Variants in CNNM4 observed in about 807,000 individuals in gnomAD.
CNNM4 encodes the protein cyclin and CBS domain divalent metal cation transport mediator 4.
Under a neutral mutation model 53.7 loss-of-function variants are expected in CNNM4, and 32 were observed. The observed-to-expected ratio is 0.60, with a 90% CI of 0.45 to 0.80. CNNM4 has a LOEUF of 0.80. CNNM4 is among the 30% of genes least tolerant of loss of function. The pLI, the probability that CNNM4 is intolerant of heterozygous loss-of-function variation, is 0.00. For missense variants in CNNM4, 784 were observed against 1,022.0 expected (o/e 0.77, Z 3.17); for synonymous variants, 410 against 440.0 (o/e 0.93, Z 0.85).
At chr2:96,768,251 C>A (rs931085386) in intron 1 of CNNM4, among the ~76,000 whole-genome samples, 5 of 152,190 alleles carry the variant, frequency 3.3e-5, no homozygotes, top group African/African-American at 1.2e-4. Context: ...AACTTATCCT[C>A]CACACCCCAC....
At chr2:96,803,450 C>T (rs941857591) in intron 5 of CNNM4, among the ~76,000 whole-genome samples, 1 of 152,110 alleles carries the variant, frequency 6.6e-6, no homozygotes, top group Non-Finnish European at 1.5e-5. Context: ...GTTGGCCGTG[C>T]GCGGTGGCTC....
chr2:96,775,017 T>C (rs2078912432), intron 1 of CNNM4, among the ~76,000 whole-genome samples: 1 of 132,318 alleles, frequency 7.6e-6, no homozygotes, highest in Non-Finnish European at 1.6e-5. Flanking sequence ...ATTGGGAGAT[T>C]CCAGTAAGTT....
chr2:96,776,627 G>T (rs551927790), intron 1 of CNNM4, among the ~76,000 whole-genome samples: 8 of 151,854 alleles, frequency 5.3e-5, no homozygotes, highest in Non-Finnish European at 1.0e-4. Context: ...CCTCATTGTG[G>T]TTTTGAGATG....
Position 96,797,722 on chromosome 2 carries a change from T to C in CNNM4, c.1681+75T>C. 1.9e-6 allele frequency: 3 copies of C among 1,589,482 alleles called. No homozygotes were observed. The highest frequency in any genetic ancestry group is 2.6e-6 in the Non-Finnish European group (3 of 1,170,742). Reference sequence around the variant, plus strand: ...AGAAGTCCTGGGTTTCCGGCTGCTTTCCCCCCATAGGACGAGGGCTGCAGC... The same window carrying C: ...AGAAGTCCTGGGTTTCCGGCTGCTTCCCCCCCATAGGACGAGGGCTGCAGC... On this transcript the variant is annotated intron_variant, in intron 3 of 6. Coordinates refer to ENST00000377075, the MANE Select transcript of CNNM4 (RefSeq NM_020184.4). This position sits in a 1 kb window ranked among gnomAD's most constrained non-coding sequence, Gnocchi z 6.0.
chr2:96,809,213 G>T, intron 6 of CNNM4, 107 bp from the exon 7 acceptor site: 1 of 1,558,222 alleles, frequency 6.4e-7, no homozygotes, highest in Non-Finnish European at 8.7e-7. Flanking sequence ...GACTGGTCAT[G>T]TTCTCTCTCA....
rs373304929 is a variant in CNNM4, at chr2:96,811,762, C to T, written c.*2245C>T. On this transcript the variant is annotated 3_prime_UTR_variant, in exon 7 of 7. Transcript: ENST00000377075. The stretch of plus-strand genomic sequence containing the variant: ...ATTTTGGCGTTATGAGTTTGACTCT[C>T]GGGGAGTTTTGTTGTTATGACTCTT... 2.6e-5 allele frequency: 4 copies of T among 152,378 alleles called. No individual in the cohort carries two copies. The highest frequency in any genetic ancestry group is 1.9e-4 in the East Asian group (1 of 5,196). 9.4% of individuals were successfully genotyped at this position (152,378 alleles called of 1,614,324 possible). A position where few individuals can be genotyped will look rare whatever the true frequency, so the allele number is the denominator to read the frequency against.
intron 1 of CNNM4, among the ~76,000 whole-genome samples, chr2:96,769,670 A>T (rs963274911): frequency 2.0e-5 from 3 of 152,076 alleles, no homozygotes; most frequent in South Asian, 2.1e-4. Flanking sequence ...GAAGAGAACC[A>T]AGGGGGCACG....
rs772905881 is a variant in CNNM4, at chr2:96,799,569, G to A, written c.1869G>A (p.Glu623=). 1.3e-6 allele frequency: 2 copies of A among 1,555,260 alleles called. No homozygotes were observed. The highest frequency in any genetic ancestry group is 1.7e-6 in the Non-Finnish European group (2 of 1,148,788). Residue 623 remains glutamate, a synonymous_variant, in exon 5 of 7, where the codon GAG becomes GAA. Transcript: ENST00000377075. ...TTTTTCAGGGGAAGGTGGAGGTGGA[G>A]GCAGGGAAGGAGAACATGAAGTTTG... ...ILILQGKVEV[E]AGKENMKFET... is the part of the protein sequence containing the mutation.
chr2:96,760,961 TGGCGCGGGGAGCGGCGGC>T lies in CNNM4; in HGVS notation c.-34_-17del, dbSNP rs1193346603. 4 of 974,000 alleles carry T rather than the reference TGGCGCGGGGAGCGGCGGC, an allele frequency of 4.1e-6. No individual in the cohort carries two copies. The highest frequency in any genetic ancestry group is 4.9e-6 in the Non-Finnish European group (4 of 820,358). The allele number at this position is 974,000 out of a possible 1,614,324, so 60.3% of individuals were successfully genotyped here. ...CGGTGCGGACCGGGGCCGCGCGGCG[TGGCGCGGGGAGCGGCGGC>T]GGCGGCAGAGCCAGAGCAACATGGC... On this transcript the variant is annotated 5_prime_UTR_variant, in exon 1 of 7. Coordinates refer to ENST00000377075, the MANE Select transcript of CNNM4 (RefSeq NM_020184.4).
chr2:96,777,277 C>T (rs1173558560), intron 1 of CNNM4, among the ~76,000 whole-genome samples: 1 of 152,090 alleles, frequency 6.6e-6, no homozygotes, highest in Non-Finnish European at 1.5e-5. Flanking sequence ...CCTCGGCCTC[C>T]CAAAGTGCTG....
rs1194504128 is a variant in CNNM4, at chr2:96,762,322, C to G, written c.1323C>G (p.Ile441Met). The G allele has an allele frequency of 6.2e-7, 1 of 1,614,158 alleles. No homozygotes were observed. The change falls in exon 1 of 7, where the codon ATC becomes ATG. Residue 441 changes from isoleucine to methionine, a missense_variant. Around this residue, in one of 3 missense-constraint regions of CNNM4, gnomAD observed 473 missense variants for 624.6 expected, o/e 0.76. Transcript: ENST00000377075. ...ATGACTGCACCCCCCTCAAGACTAT[C>G]ACTCGCTTCTATAACCACCCGGTGC... Reference protein sequence around the residue: ...DPDDCTPLKTITRFYNHPVHF... With the variant: ...DPDDCTPLKTMTRFYNHPVHF...
chr2:96,783,401 C>T (rs1393014653), intron 1 of CNNM4, among the ~76,000 whole-genome samples: 2 of 152,178 alleles, frequency 1.3e-5, no homozygotes, highest in Non-Finnish European at 2.9e-5. Flanking sequence ...ACTGCTGGGA[C>T]CCCCTGCACC....
chr2:96,783,790 G>C (rs1457458336), intron 1 of CNNM4, among the ~76,000 whole-genome samples: 1 of 152,198 alleles, frequency 6.6e-6, no homozygotes, highest in Non-Finnish European at 1.5e-5. Context: ...GCCCAATGGG[G>C]ACTGGGATTG....
chr2:96,761,757 T>TC lies in CNNM4; in HGVS notation c.759dup (p.Asn254GlnfsTer68). The stretch of plus-strand genomic sequence containing the variant: ...TCGTTGCTCCTAGGGAACGTGCTGG[T>TC]CAACACCTCCCTCACAATCCTTCTA... On this transcript the variant is annotated frameshift_variant, in exon 1 of 7. Coordinates refer to ENST00000377075, the MANE Select transcript of CNNM4 (RefSeq NM_020184.4). LOFTEE classifies it high-confidence loss of function. This position sits in a 1 kb window ranked among gnomAD's most constrained non-coding sequence, Gnocchi z 6.0. 1 of 1,611,392 alleles carries TC rather than the reference T, an allele frequency of 6.2e-7. No homozygotes were observed. Among genetic ancestry groups the TC allele is most frequent in the Non-Finnish European group, 8.5e-7 (1 of 1,179,986 alleles).
In CNNM4 at chr2:96,761,665, C is replaced by T. The variant is rs1254269196; in HGVS notation, c.666C>T (p.Thr222=). The T allele has an allele frequency of 6.2e-7, 1 of 1,611,618 alleles. No homozygotes were observed. Among genetic ancestry groups the T allele is most frequent in the Non-Finnish European group, 8.5e-7 (1 of 1,180,028 alleles). ...MELRIVQNCG[T]EKERRYARKI... is the part of the protein sequence containing the mutation. ...TGCGCATCGTGCAGAACTGTGGCAC[C>T]GAGAAGGAGAGGCGCTATGCCCGCA... Residue 222 remains threonine (T), a synonymous_variant, in exon 1 of 7, where the codon ACC becomes ACT. Transcript: ENST00000377075. This position sits in a 1 kb window ranked among gnomAD's most constrained non-coding sequence, Gnocchi z 6.0.
intron 1 of CNNM4, among the ~76,000 whole-genome samples, chr2:96,770,155 C>T (rs1394247090): frequency 1.3e-5 from 2 of 152,248 alleles, no homozygotes; most frequent in African/African-American, 2.4e-5. Flanking sequence ...CTTGACAGTT[C>T]TCTTCTCAGA....
intron 1 of CNNM4, among the ~76,000 whole-genome samples, chr2:96,778,372 A>G (rs964433096): frequency 6.6e-6 from 1 of 151,266 alleles, no homozygotes. Flanking sequence ...CCTGGCCAAG[A>G]TGGTGAAACC....
chr2:96,804,492 C>G (rs2079185513), intron 5 of CNNM4, among the ~76,000 whole-genome samples: 1 of 152,036 alleles, frequency 6.6e-6, no homozygotes, highest in African/African-American at 2.4e-5. Context: ...ACCTCCACCT[C>G]CCAGGTTCAA....
At chr2:96,796,693 G>C (rs2079107398) in intron 1 of CNNM4, among the ~76,000 whole-genome samples, 1 of 152,132 alleles carries the variant, frequency 6.6e-6, no homozygotes, top group South Asian at 2.1e-4. Flanking sequence ...CCCAGAAGTT[G>C]GCGGCTGCAG....
Sources: allele counts gnomAD v4.1 joint callset (sites outside exome capture counted in the v4.1 genomes callset), GRCh38; gene constraint gnomAD v4.1.1; regional missense constraint gnomAD v4.1.1; non-coding constraint Gnocchi (gnomAD v3.1); transcripts MANE v1.5; gene names NCBI Gene and HGNC (gene_info 2026-07-23, HGNC 2026-07-21).